FBXL22: variants seen among roughly 807,000 people sequenced by gnomAD.
The protein encoded by FBXL22 is F-box and leucine-rich protein 22.
FBXL22 carries 13 observed loss-of-function variants against 11.7 expected under a neutral mutation model. That is an observed-to-expected ratio of 1.11 (90% CI 0.73 to 1.77). The LOEUF is 1.77. FBXL22 is among the 40% of genes most tolerant of loss of function. The pLI is 0.00. For synonymous variants in FBXL22, 160 were observed against 144.1 expected (o/e 1.11, Z -0.79); for missense variants, 406 against 320.4 (o/e 1.27, Z -2.04).
chr15:63,600,050 G>C (rs1278727292), intron 1 of FBXL22: 1 of 985,602 alleles, frequency 1.0e-6, no homozygotes, highest in Non-Finnish European at 1.2e-6. Context: ...GACCTGGGTG[G>C]GTGTCCGTGA....
Position 63,600,709 on chromosome 15 carries a change from G to A in FBXL22, c.366G>A (p.Leu122=), listed in dbSNP as rs911504184. Residue 122 remains leucine, a synonymous_variant, in exon 2 of 2, where the codon CTG becomes CTA. Coordinates refer to ENST00000638704, the MANE Select transcript of FBXL22 (RefSeq NM_001367807.1). ...ACTCTCCTCACAGGTGCCCCAACCT[G>A]GCGTCCGTCACGCTCTCGGGCTGCG... is the stretch of plus-strand genomic sequence containing the variant. ...LLRVCDRCPN[L]ASVTLSGCGH... is the part of the protein sequence containing the mutation. The A allele has an allele frequency of 1.6e-6, 2 of 1,231,410 alleles. No homozygotes were observed. The highest frequency in any genetic ancestry group is 3.1e-5 in the African/African-American group (2 of 64,414). The allele number at this position is 1,231,410 out of a possible 1,614,324, so 76.3% of individuals were successfully genotyped here.
chr15:63,601,634 G>A (rs531949187), downstream of FBXL22: 2 of 1,604,550 alleles, frequency 1.2e-6, no homozygotes, highest in East Asian at 2.2e-5. Flanking sequence ...GGTTTTGCCC[G>A]CACGCGCGTC....
In FBXL22 at chr15:63,600,899, A is replaced by G. The variant is rs548782478; in HGVS notation, c.556A>G (p.Ser186Gly). 32 of 1,223,144 alleles carry G rather than the reference A, an allele frequency of 2.6e-5. No homozygotes were observed. The African/African-American group carries it at 3.4e-4, about 13-fold the overall frequency. 75.8% of individuals were successfully genotyped at this position (1,223,144 alleles called of 1,614,324 possible). A position where few individuals can be genotyped will look rare whatever the true frequency, so the allele number is the denominator to read the frequency against. ...GCACGTGGACTTCTGCCGCAACGTG[A>G]GCGCGGCCGGCCTGCGCCGCCTGCG... ...TLHVDFCRNV[S>G]AAGLRRLRAA... is the part of the protein sequence containing the mutation. The change falls in exon 2 of 2, where the codon AGC becomes GGC. Residue 186 changes from serine to glycine, a missense_variant. Physicochemically the swap from Ser to Gly is moderately conservative, Grantham distance 56. Coordinates refer to ENST00000638704, the MANE Select transcript of FBXL22 (RefSeq NM_001367807.1).
rs1200696874 is a variant in FBXL22 at position 63,600,830 on chromosome 15, A to C, written c.487A>C (p.Thr163Pro). The change falls in exon 2 of 2, where the codon ACG becomes CCG. Residue 163 changes from threonine (T) to proline (P), a missense_variant. Transcript: ENST00000638704. Reference protein sequence around the residue: ...LENCARVTNRTLAAVAADGRA... With the variant: ...LENCARVTNRPLAAVAADGRA... ...GAACTGCGCGCGCGTCACCAACCGCACGTTGGCTGCCGTGGCGGCGGACGG... is the reference window on the plus strand; with the variant it reads ...GAACTGCGCGCGCGTCACCAACCGCCCGTTGGCTGCCGTGGCGGCGGACGG... The C allele has an allele frequency of 8.1e-6, 10 of 1,230,510 alleles. No individual in the cohort carries two copies. The highest frequency in any genetic ancestry group is 4.2e-5 in the Admixed American group (1 of 23,664). 76.2% of individuals were successfully genotyped at this position (1,230,510 alleles called of 1,614,324 possible).
chr15:63,600,996 C>T lies in FBXL22; in HGVS notation c.653C>T (p.Pro218Leu). Reference protein sequence around the residue: ...AAMLPDQPPRPRAPAAALGKL... With the variant: ...AAMLPDQPPRLRAPAAALGKL... ...ATGCTGCCCGACCAGCCCCCGCGCC[C>T]GCGCGCGCCCGCCGCGGCCCTCGGC... Residue 218 changes from proline to leucine, a missense_variant, in exon 2 of 2, where the codon CCG (proline) becomes CTG (leucine). Transcript: ENST00000638704. 1 of 1,192,522 alleles carries T rather than the reference C, an allele frequency of 8.4e-7. No individual in the cohort carries two copies. The highest frequency in any genetic ancestry group is 1.0e-6 in the Non-Finnish European group (1 of 963,080). 73.9% of individuals were successfully genotyped at this position (1,192,522 alleles called of 1,614,324 possible).
At chr15:63,598,641 G>A (rs1296361881) in intron 1 of FBXL22, among the ~76,000 whole-genome samples, 1 of 152,196 alleles carries the variant, frequency 6.6e-6, no homozygotes, top group Non-Finnish European at 1.5e-5. Context: ...GGCCCTGGCT[G>A]TTCATGGAAA....
At chr15:63,606,942 G>A (rs1595800189), downstream of FBXL22, among the ~76,000 whole-genome samples, 1 of 152,088 alleles carries the variant, frequency 6.6e-6, no homozygotes, top group Non-Finnish European at 1.5e-5. Context: ...GACTGCAGAG[G>A]TATCCTTTGC....
chr15:63,603,720 T>C (rs2067398899), downstream of FBXL22, among the ~76,000 whole-genome samples: 1 of 152,208 alleles, frequency 6.6e-6, no homozygotes, highest in Admixed American at 6.5e-5. Context: ...GGGCAGTGCT[T>C]ACTCCAGAAA....
rs192432482 is a variant in FBXL22 at position 63,600,027 on chromosome 15, T to C, written c.354-670T>C. The stretch of plus-strand genomic sequence containing the variant: ...GGCTGCAGCAGAGGGTCCCCCAAGC[T>C]TTCTGGCCAAGCGACCTGGGTGGGT... On this transcript the variant is annotated intron_variant, in intron 1 of 1. Coordinates refer to ENST00000638704, the MANE Select transcript of FBXL22 (RefSeq NM_001367807.1). The C allele has an allele frequency of 1.8e-4, 174 of 985,710 alleles. 1 individual carries two copies. In the Middle Eastern group the frequency reaches 2.1e-3, roughly 12 times the overall value. The allele number at this position is 985,710 out of a possible 1,614,324, so 61.1% of individuals were successfully genotyped here.
chr15:63,598,176 TGGA>T (rs944803626), intron 1 of FBXL22, among the ~76,000 whole-genome samples: 74 of 151,978 alleles, frequency 4.9e-4, no homozygotes, highest in African/African-American at 1.4e-3. Context: ...GAGCCAGAGG[TGGA>T]GAAGCCAGGG....
chr15:63,602,323 C>T (rs2067383805), downstream of FBXL22: 1 of 152,252 alleles, frequency 6.6e-6, no homozygotes, highest in South Asian at 2.1e-4. Context: ...GGCTCAATGC[C>T]TGTAATCCCA....
rs955357113 is a variant in FBXL22, at chr15:63,600,843, T to C, written c.500T>C (p.Val167Ala). 341 of 1,230,296 alleles carry C rather than the reference T, an allele frequency of 2.8e-4. 1 individual carries two copies. The highest frequency in any genetic ancestry group is 2.8e-4 in the Non-Finnish European group (278 of 987,016). 76.2% of individuals were successfully genotyped at this position (1,230,296 alleles called of 1,614,324 possible). Reference protein sequence around the residue: ...ARVTNRTLAAVAADGRALQTL... With the variant: ...ARVTNRTLAAAAADGRALQTL... ...GTCACCAACCGCACGTTGGCTGCCG[T>C]GGCGGCGGACGGGCGCGCGCTGCAG... Residue 167 changes from valine (V) to alanine (A), a missense_variant, in exon 2 of 2, where the codon GTG (valine) becomes GCG (alanine). Physicochemically the swap from Val to Ala is moderately conservative, Grantham distance 64. Transcript: ENST00000638704.
chr15:63,601,306 G>A, downstream of FBXL22: 4 of 1,589,204 alleles, frequency 2.5e-6, no homozygotes, highest in Non-Finnish European at 3.4e-6. Flanking sequence ...GCTTTCTGCT[G>A]TGCGCTCCCC....
chr15:63,598,451 C>T (rs1490389840), intron 1 of FBXL22, among the ~76,000 whole-genome samples: 1 of 152,092 alleles, frequency 6.6e-6, no homozygotes, highest in Admixed American at 6.5e-5. Flanking sequence ...TCTGCTAACC[C>T]CCACCCCAGA....
downstream of FBXL22, chr15:63,601,564 CAGG>C (rs761395465): frequency 1.7e-5 from 26 of 1,546,324 alleles, no homozygotes; most frequent in South Asian, 2.7e-4. Flanking sequence ...CTCGGTGAAG[CAGG>C]AGGAGGGGAA....
rs189797805 is a variant in FBXL22 at position 63,600,792 on chromosome 15, C to A, written c.449C>A (p.Ala150Glu). The change falls in exon 2 of 2, where the codon GCA (alanine) becomes GAA (glutamate). Residue 150 changes from alanine (A) to glutamate (E), a missense_variant. Coordinates refer to ENST00000638704, the MANE Select transcript of FBXL22 (RefSeq NM_001367807.1). ...CTGCGCTGCTGCCCACGCCTGCGCG[C>A]ACTGCGCCTGGAGAACTGCGCGCGC... is the stretch of plus-strand genomic sequence containing the variant. Reference protein sequence around the residue: ...RLLRCCPRLRALRLENCARVT... With the variant: ...RLLRCCPRLRELRLENCARVT... The A allele has an allele frequency of 1.6e-6, 2 of 1,231,184 alleles. No homozygotes were observed. Among genetic ancestry groups the A allele is most frequent in the East Asian group, 6.3e-5 (2 of 31,682 alleles). The allele number at this position is 1,231,184 out of a possible 1,614,324, so 76.3% of individuals were successfully genotyped here. A position where few individuals can be genotyped will look rare whatever the true frequency, so the allele number is the denominator to read the frequency against.
At chr15:63,604,979 G>C (rs540035073), downstream of FBXL22, among the ~76,000 whole-genome samples, 1 of 152,224 alleles carries the variant, frequency 6.6e-6, no homozygotes, top group South Asian at 2.1e-4. Flanking sequence ...TTGAACCCGG[G>C]AGACAGTGGT....
chr15:63,598,186 A>T (rs2067303996), intron 1 of FBXL22, among the ~76,000 whole-genome samples: 1 of 152,156 alleles, frequency 6.6e-6, no homozygotes, highest in Admixed American at 6.5e-5. Context: ...TGGAGAAGCC[A>T]GGGTGCTCAG....
Position 63,597,807 on chromosome 15 carries a change from G to A in FBXL22, c.353+62G>A. ...CTAGCTCTGGCTTCCCTCTTGGGGG[G>A]CAGGGAAGAGCAAATTACGAGACCA... is the stretch of plus-strand genomic sequence containing the variant. On this transcript the variant is annotated intron_variant, in intron 1 of 1. Coordinates refer to ENST00000638704, the MANE Select transcript of FBXL22 (RefSeq NM_001367807.1). The surrounding 1 kb of genome is among the most constrained non-coding windows in gnomAD (Gnocchi z 4.3). 3 of 1,443,486 alleles carry A rather than the reference G, an allele frequency of 2.1e-6. No individual in the cohort carries two copies. Among genetic ancestry groups the A allele is most frequent in the East Asian group, 2.4e-5 (1 of 42,342 alleles). 89.4% of individuals were successfully genotyped at this position (1,443,486 alleles called of 1,614,324 possible).
Sources: gnomAD v4.1 joint callset for allele counts (sites outside exome capture counted in the v4.1 genomes callset) on GRCh38, gnomAD v4.1.1 for gene constraint, Gnocchi (gnomAD v3.1) non-coding constraint, MANE v1.5 for transcripts, NCBI Gene and HGNC (gene_info 2026-07-23, HGNC 2026-07-21) for gene names.